Variants in ALKBH3 observed in about 807,000 individuals in gnomAD.
ALKBH3 encodes the protein alpha-ketoglutarate-dependent dioxygenase alkB homolog 3.
A neutral mutation model predicts 43.9 loss-of-function variants in ALKBH3; 51 were observed. The ratio of observed to expected loss-of-function variants is 1.16; its 90% CI spans 0.93 to 1.47. The LOEUF (loss-of-function observed/expected upper bound fraction) is 1.47, where lower values mean the gene tolerates loss of function less well. ALKBH3 is among the 40% of genes most tolerant of loss of function. The probability of loss-of-function intolerance (pLI) is 0.00; values close to 1 mark genes in which losing one functional copy is unlikely to be tolerated. For missense variants in ALKBH3, 361 were observed against 351.9 expected, an observed-to-expected ratio of 1.03 and a Z score of -0.21; for synonymous variants, 102 against 115.2, an observed-to-expected ratio of 0.89 and a Z score of 0.73.
chr11:43,892,331 G>T (rs1951789789), intron 7 of ALKBH3, among the ~76,000 whole-genome samples: 1 of 152,156 alleles, frequency 6.6e-6, no homozygotes, highest in African/African-American at 2.4e-5. Context: ...AGAGTAAACT[G>T]AACCAGAGTC....
rs149613620 is a variant in ALKBH3 at position 43,919,045 on chromosome 11, A to G, written c.677A>G (p.Asn226Ser). 1.8e-3 allele frequency: 2,939 copies of G among 1,604,274 alleles called. 11 individuals are homozygous for G. Among genetic ancestry groups the G allele is most frequent in the South Asian group, 4.2e-3 (383 of 90,812 alleles). The change falls in exon 9 of 10, where the codon AAT becomes AGT. Residue 226 changes from asparagine to serine, a missense_variant. By Grantham distance (46) the Asn-to-Ser change is conservative (BLOSUM62 1). Coordinates refer to ENST00000302708, the MANE Select transcript of ALKBH3 (RefSeq NM_139178.4). ...EMRKKPPPEENGDYTYVERVK... is the reference protein window; with the variant it reads ...EMRKKPPPEESGDYTYVERVK... ...ACAAATGCTGTTTTCTAGGAAGAGA[A>G]TGGAGACTACACATATGTGGAAAGA...
At chr11:43,889,424 C>T (rs1038266096) in intron 5 of ALKBH3, among the ~76,000 whole-genome samples, 1 of 152,212 alleles carries the variant, frequency 6.6e-6, no homozygotes, top group African/African-American at 2.4e-5. Context: ...GTAACTTGCC[C>T]AGGGTTTCAC....
At chr11:43,899,784 T>C (rs1160371763) in intron 7 of ALKBH3, 1 of 193,448 alleles carries the variant, frequency 5.2e-6, no homozygotes, top group African/African-American at 2.4e-5. Context: ...ATTTTGTATA[T>C]GTTGTGCACA....
chr11:43,919,176 A>C (rs1952007418), intron 9 of ALKBH3, 40 bp downstream of exon 9: 15 of 1,540,108 alleles, frequency 9.7e-6, no homozygotes, highest in Non-Finnish European at 1.3e-5. Flanking sequence ...TTTCATGTGG[A>C]GGCAGTTTCC....
chr11:43,884,892 C>G (rs11037704), intron 4 of ALKBH3, among the ~76,000 whole-genome samples: 34,853 of 151,862 alleles, frequency 0.23, 4,553 homozygotes, highest in Admixed American at 0.39. Flanking sequence ...GCTGGGACCA[C>G]AGGCACACAC....
intron 8 of ALKBH3, among the ~76,000 whole-genome samples, chr11:43,903,212 AC>A (rs1343730131): frequency 3.3e-5 from 5 of 152,326 alleles, no homozygotes; most frequent in African/African-American, 1.2e-4. Flanking sequence ...GCCTTCAGTT[AC>A]ATTGGCAAGC....
intron 4 of ALKBH3, 40 bp downstream of exon 4, chr11:43,884,057 T>A (rs1951731753): frequency 6.2e-7 from 1 of 1,611,158 alleles, no homozygotes; most frequent in African/African-American, 1.3e-5. Context: ...TTGCCCACAG[T>A]GAAATGAAGA....
chr11:43,909,229 G>A (rs1345032372), intron 8 of ALKBH3: 3 of 152,182 alleles, frequency 2.0e-5, no homozygotes, highest in Non-Finnish European at 4.4e-5. Context: ...TCAGATCGAT[G>A]CTAGGATGTC....
At chr11:43,915,801 T>C (rs1428023086) in intron 8 of ALKBH3, among the ~76,000 whole-genome samples, 1 of 152,248 alleles carries the variant, frequency 6.6e-6, no homozygotes, top group South Asian at 2.1e-4. Context: ...GTATGTTGTA[T>C]AAACTCTGGA....
chr11:43,898,420 T>G, intron 7 of ALKBH3: 1 of 726,108 alleles, frequency 1.4e-6, no homozygotes, highest in East Asian at 2.6e-5. Flanking sequence ...CACGGGAGGC[T>G]GGCATCATCA....
intron 3 of ALKBH3, among the ~76,000 whole-genome samples, 185 bp downstream of exon 3, chr11:43,883,373 G>T (rs1934893318): frequency 6.6e-6 from 1 of 152,190 alleles, no homozygotes; most frequent in African/African-American, 2.4e-5. Context: ...TTCGTAGTCT[G>T]CTCCCAGTTT....
chr11:43,898,888 G>C (rs1269632636), intron 7 of ALKBH3: 6 of 755,646 alleles, frequency 7.9e-6, no homozygotes, highest in Admixed American at 5.3e-5. Flanking sequence ...GATTTCCTGA[G>C]TGGAGAGTGC....
chr11:43,892,173 A>G (rs2135182980), intron 7 of ALKBH3, 44 bp downstream of exon 7: 2 of 1,494,290 alleles, frequency 1.3e-6, no homozygotes, highest in East Asian at 2.3e-5. Context: ...TAGACTATAT[A>G]CTATGTGTTG....
At chr11:43,886,444 A>G (rs1305957416) in intron 4 of ALKBH3, among the ~76,000 whole-genome samples, 162 bp from the exon 5 acceptor site, 1 of 152,136 alleles carries the variant, frequency 6.6e-6, no homozygotes, top group Non-Finnish European at 1.5e-5. Context: ...ATGATATACC[A>G]TGATCTTCTC....
intron 8 of ALKBH3, among the ~76,000 whole-genome samples, chr11:43,904,464 G>T (rs1951882897): frequency 6.6e-6 from 1 of 152,154 alleles, no homozygotes; most frequent in South Asian, 2.1e-4. Flanking sequence ...TAATATGTTT[G>T]AAATTATAAT....
intron 7 of ALKBH3, among the ~76,000 whole-genome samples, chr11:43,895,332 T>C (rs966180556): frequency 3.3e-5 from 5 of 152,216 alleles, no homozygotes; most frequent in African/African-American, 1.2e-4. Flanking sequence ...CTTACTGTTC[T>C]CATGGTAGTG....
intron 5 of ALKBH3, among the ~76,000 whole-genome samples, chr11:43,887,563 C>T (rs905973679): frequency 5.9e-5 from 9 of 152,102 alleles, no homozygotes; most frequent in African/African-American, 2.2e-4. Context: ...ACCTGCCCCA[C>T]CTTAGCCTCT....
chr11:43,911,919 G>A (rs555020498), intron 8 of ALKBH3, among the ~76,000 whole-genome samples: 4 of 152,200 alleles, frequency 2.6e-5, no homozygotes, highest in South Asian at 2.1e-4. Context: ...TCGGGAGTTC[G>A]AGACCAGCCT....
chr11:43,889,852 G>A, intron 6 of ALKBH3, 24 bp downstream of exon 6: 1 of 1,576,994 alleles, frequency 6.3e-7, no homozygotes, highest in Non-Finnish European at 8.7e-7. Flanking sequence ...AGAGGTCACA[G>A]TTGGTGCTGC....
Sources: gnomAD v4.1 joint callset for allele counts (sites outside exome capture counted in the v4.1 genomes callset) on GRCh38, gnomAD v4.1.1 for gene constraint, MANE v1.5 for transcripts, NCBI Gene and HGNC (gene_info 2026-07-23, HGNC 2026-07-21) for gene names.